The following CHRM3 variants were observed in gnomAD, a reference collection of about 807,000 sequenced individuals.
CHRM3 encodes the protein cholinergic receptor muscarinic 3.
In CHRM3, 11 loss-of-function variants were observed where a neutral mutation model predicts 41.8. The ratio of observed to expected loss-of-function variants is 0.26; its 90% CI spans 0.17 to 0.44. The LOEUF is 0.44. Ranked by LOEUF, CHRM3 falls within the 20% of genes least tolerant of loss-of-function variation. The probability of loss-of-function intolerance (pLI) is 1.00; values close to 1 mark genes in which losing one functional copy is unlikely to be tolerated. For synonymous variants in CHRM3, 297 were observed against 301.4 expected, an observed-to-expected ratio of 0.99 and a Z score of 0.15; for missense variants, 571 against 745.4, an observed-to-expected ratio of 0.77 and a Z score of 2.72.
intron 6 of CHRM3, among the ~76,000 whole-genome samples, chr1:239,866,400 A>AG (rs2149298097): frequency 6.8e-6 from 1 of 146,780 alleles, no homozygotes; most frequent in African/African-American, 2.7e-5. Context: ...ACCCTGTCTC[A>AG]AAAACAAAAA....
At chr1:239,656,324 T>TG in intron 4 of CHRM3, among the ~76,000 whole-genome samples, 1 of 114,676 alleles carries the variant, frequency 8.7e-6, no homozygotes, top group East Asian at 3.8e-4. Context: ...AATAAAATAT[T>TG]TTTTTTTAAA....
chr1:239,738,346 G>A (rs538192138), intron 5 of CHRM3, among the ~76,000 whole-genome samples: 1 of 152,268 alleles, frequency 6.6e-6, no homozygotes, highest in African/African-American at 2.4e-5. Flanking sequence ...ACATTGCTCA[G>A]CTCTTCAGCA....
intron 2 of CHRM3, among the ~76,000 whole-genome samples, chr1:239,538,585 A>T (rs1191966273): frequency 6.6e-6 from 1 of 152,226 alleles, no homozygotes; most frequent in Admixed American, 6.5e-5. Flanking sequence ...TTAAAAATCT[A>T]CTGATTTTTG....
At chr1:239,828,287 T>C (rs1283439907) in intron 6 of CHRM3, among the ~76,000 whole-genome samples, 2 of 151,924 alleles carry the variant, frequency 1.3e-5, no homozygotes, top group Non-Finnish European at 2.9e-5. Flanking sequence ...AATACACACA[T>C]AGACACATGC....
At chr1:239,607,364 T>C (rs1666455230) in intron 3 of CHRM3, among the ~76,000 whole-genome samples, 1 of 151,930 alleles carries the variant, frequency 6.6e-6, no homozygotes, top group East Asian at 1.9e-4. Context: ...TTTTTAATGT[T>C]AAAAAAAAGA....
rs1680036544 is a variant in CHRM3, at chr1:239,907,220, G to A, written c.-19-213G>A. On this transcript the variant is annotated intron_variant, in intron 6 of 6. Transcript: ENST00000676153. This position sits in a 1 kb window ranked among gnomAD's most constrained non-coding sequence, Gnocchi z 5.4. ...GAAAAAAGCACAATGTTCAGTGCAT[G>A]CCACCAATTATATAATACTATCTCA... is the stretch of plus-strand genomic sequence containing the variant. 6.6e-6 allele frequency among the ~76,000 whole-genome samples: 1 copy of A among 152,172 alleles called. No homozygotes were observed. The highest frequency in any genetic ancestry group is 1.5e-5 in the Non-Finnish European group (1 of 68,032).
At chr1:239,576,872 C>A (rs997001582) in intron 3 of CHRM3, among the ~76,000 whole-genome samples, 12 of 152,062 alleles carry the variant, frequency 7.9e-5, no homozygotes, top group Non-Finnish European at 1.0e-4. Flanking sequence ...ACCAACAGTT[C>A]TCTGAAAAGC....
intron 1 of CHRM3, among the ~76,000 whole-genome samples, chr1:239,407,441 G>A (rs1660703350): frequency 7.3e-6 from 1 of 136,602 alleles, no homozygotes; most frequent in African/African-American, 2.5e-5. Context: ...GAGAGAGAGA[G>A]CGCTAAATTT....
At chr1:239,743,951 T>G (rs867971849) in intron 5 of CHRM3, among the ~76,000 whole-genome samples, 3 of 150,066 alleles carry the variant, frequency 2.0e-5, no homozygotes, top group South Asian at 2.1e-4. Flanking sequence ...CACACCACCA[T>G]GCCCGGCTAA....
chr1:239,545,488 T>C (rs976643302), intron 2 of CHRM3, among the ~76,000 whole-genome samples, 153 bp from the exon 3 acceptor site: 1 of 152,130 alleles, frequency 6.6e-6, no homozygotes, highest in East Asian at 1.9e-4. Flanking sequence ...ACAGCAACAA[T>C]AGAGGTATGT....
chr1:239,729,219 A>C (rs1663729921), intron 5 of CHRM3, among the ~76,000 whole-genome samples: 1 of 151,928 alleles, frequency 6.6e-6, no homozygotes, highest in Non-Finnish European at 1.5e-5. Flanking sequence ...AGTAAAAAAT[A>C]ATAATAATTT....
intron 5 of CHRM3, among the ~76,000 whole-genome samples, chr1:239,783,823 G>C (rs372600447): frequency 1.3e-5 from 2 of 152,234 alleles, no homozygotes; most frequent in African/African-American, 4.8e-5. Flanking sequence ...TGTGAGGACG[G>C]TACTTGATAG....
At chr1:239,819,738 T>G (rs894714360) in intron 5 of CHRM3, among the ~76,000 whole-genome samples, 1 of 152,112 alleles carries the variant, frequency 6.6e-6, no homozygotes, top group Non-Finnish European at 1.5e-5. Context: ...TAAATCAAAA[T>G]GAGATCCTTT....
At chr1:239,834,310 C>CTTTTT (rs71168857) in intron 6 of CHRM3, among the ~76,000 whole-genome samples, 3 of 118,304 alleles carry the variant, frequency 2.5e-5, no homozygotes, top group African/African-American at 7.1e-5. Flanking sequence ...AACTTAATGC[C>CTTTTT]TTTTTTTTTT....
At chr1:239,722,732 A>G in intron 5 of CHRM3, among the ~76,000 whole-genome samples, 1 of 151,966 alleles carries the variant, frequency 6.6e-6, no homozygotes, top group East Asian at 1.9e-4. Flanking sequence ...GTGGCATTGA[A>G]TTCAGAAACT....
intron 5 of CHRM3, among the ~76,000 whole-genome samples, chr1:239,822,586 T>C (rs571559104): frequency 6.6e-6 from 1 of 152,322 alleles, no homozygotes; most frequent in African/African-American, 2.4e-5. Context: ...GATTTAAAAA[T>C]GTAGACTGAG....
chr1:239,595,002 T>A (rs1195120513), intron 3 of CHRM3, among the ~76,000 whole-genome samples: 1 of 152,204 alleles, frequency 6.6e-6, no homozygotes, highest in Non-Finnish European at 1.5e-5. Context: ...GGCAGGAGAA[T>A]CGCTTGAACC....
At chr1:239,855,117 C>T (rs1674999352) in intron 6 of CHRM3, among the ~76,000 whole-genome samples, 1 of 152,112 alleles carries the variant, frequency 6.6e-6, no homozygotes, top group Non-Finnish European at 1.5e-5. Context: ...ACACTCTTTA[C>T]CATATTCCAC....
At chr1:239,799,760 C>T (rs1253031961) in intron 5 of CHRM3, among the ~76,000 whole-genome samples, 6 of 152,160 alleles carry the variant, frequency 3.9e-5, no homozygotes, top group Non-Finnish European at 7.3e-5. Flanking sequence ...CTTCACACAG[C>T]CCTGTCTCAG....
Sources: allele counts gnomAD v4.1 joint callset (sites outside exome capture counted in the v4.1 genomes callset), GRCh38; gene constraint gnomAD v4.1.1; non-coding constraint Gnocchi (gnomAD v3.1); transcripts MANE v1.5; gene names NCBI Gene and HGNC (gene_info 2026-07-23, HGNC 2026-07-21).